Variants in ZIM2 observed in about 807,000 individuals in gnomAD.
ZIM2 encodes zinc finger protein 656.
In ZIM2, 14 loss-of-function variants were observed where a neutral mutation model predicts 38.6. The ratio of observed to expected loss-of-function variants is 0.36; its 90% CI spans 0.24 to 0.57. ZIM2 has a LOEUF of 0.57. Among genes scored for constraint, ZIM2 ranks in the 20% least tolerant of loss-of-function variants. The pLI, the probability that ZIM2 is intolerant of heterozygous loss-of-function variation, is 0.81. For synonymous variants in ZIM2, 247 were observed against 245.8 expected, an observed-to-expected ratio of 1.00 and a Z score of -0.04; for missense variants, 680 against 695.1, an observed-to-expected ratio of 0.98 and a Z score of 0.24.
At position 56,774,774 on chromosome 19, in the gene ZIM2, C is replaced by A; in HGVS notation, c.1591G>T (p.Gly531Trp). 1 of 1,614,124 alleles carries A rather than the reference C, an allele frequency of 6.2e-7. No homozygotes were observed. Among genetic ancestry groups the A allele is most frequent in the South Asian group, 1.1e-5 (1 of 91,062 alleles). The change falls in exon 13 of 13, where the codon GGG (glycine) becomes TGG (tryptophan). Residue 531 changes from glycine to tryptophan, a missense_variant. Physicochemically the swap from Gly to Trp is radical, Grantham distance 184. Transcript: ENST00000629319. The stretch of plus-strand genomic sequence containing the variant: ...TATGAGGGTCGGCCGAAACATTTCC[C>A]ACATAGCTGACACTGGTAAGGCCTC... The part of the protein sequence containing the change: ...QERPYQCQLC[G>W]KCFGRPSYLT...
chr19:56,803,413 C>T (rs1343158551), intron 9 of ZIM2, among the ~76,000 whole-genome samples: 1 of 152,204 alleles, frequency 6.6e-6, no homozygotes, highest in Non-Finnish European at 1.5e-5. Flanking sequence ...GGCAGATGTG[C>T]TATGTTCTCT....
chr19:56,793,677 C>A (rs1273933230), intron 9 of ZIM2, among the ~76,000 whole-genome samples: 1 of 152,124 alleles, frequency 6.6e-6, no homozygotes, highest in Non-Finnish European at 1.5e-5. Context: ...TATGCACCCT[C>A]CAAAATGTCC....
At chr19:56,833,385 T>A in intron 2 of ZIM2, 1 of 349,992 alleles carries the variant, frequency 2.9e-6, no homozygotes, top group Non-Finnish European at 5.6e-6. Context: ...TGTGGTCTCG[T>A]CTCTCTTCTT....
At chr19:56,784,052 T>C (rs536478317) in intron 10 of ZIM2, among the ~76,000 whole-genome samples, 1 of 152,064 alleles carries the variant, frequency 6.6e-6, no homozygotes, top group African/African-American at 2.4e-5. Context: ...CTCAAAATGT[T>C]GTAGCAGTTA....
intron 7 of ZIM2, among the ~76,000 whole-genome samples, chr19:56,819,269 G>C (rs1447599459): frequency 2.0e-5 from 3 of 152,212 alleles, no homozygotes; most frequent in Admixed American, 2.0e-4. Flanking sequence ...CCATGGCATA[G>C]CATGGCTACA....
At chr19:56,807,732 A>G (rs2047825938) in intron 9 of ZIM2, among the ~76,000 whole-genome samples, 1 of 152,048 alleles carries the variant, frequency 6.6e-6, no homozygotes, top group Admixed American at 6.6e-5. Context: ...TTGAGGCTGC[A>G]GTGAGCTGTG....
intron 9 of ZIM2, chr19:56,815,217 G>A (rs146308462): frequency 1.8e-5 from 29 of 1,613,808 alleles, no homozygotes; most frequent in East Asian, 1.3e-4. Flanking sequence ...GGGTCTCCTC[G>A]CTGTGGGTCT....
intron 10 of ZIM2, among the ~76,000 whole-genome samples, chr19:56,785,713 A>C (rs1173754249): frequency 6.6e-6 from 1 of 152,172 alleles, no homozygotes; most frequent in Non-Finnish European, 1.5e-5. Flanking sequence ...TTTTCAAACA[A>C]TTATAAATTA....
chr19:56,833,103 G>A (rs759414629), intron 2 of ZIM2: 9 of 506,500 alleles, frequency 1.8e-5, no homozygotes, highest in Non-Finnish European at 3.5e-5. Flanking sequence ...AACACATCAT[G>A]CACTAGAAAG....
intron 12 of ZIM2, among the ~76,000 whole-genome samples, chr19:56,778,123 C>T (rs564533399): frequency 2.0e-5 from 3 of 152,108 alleles, no homozygotes; most frequent in African/African-American, 4.8e-5. Context: ...CTTTACGCTC[C>T]GTTATTATTT....
chr19:56,823,562 T>C (rs372143841), intron 5 of ZIM2, 28 bp downstream of exon 5: 2 of 1,613,116 alleles, frequency 1.2e-6, no homozygotes, highest in Non-Finnish European at 1.7e-6. Flanking sequence ...CGCCTGCCCA[T>C]GGGTGACCAG....
At chr19:56,812,302 A>G in intron 9 of ZIM2, 1 of 982,380 alleles carries the variant, frequency 1.0e-6, no homozygotes, top group Non-Finnish European at 1.2e-6. Flanking sequence ...GATTAGATGA[A>G]CACAACACTC....
At chr19:56,838,035 C>T (rs1038351153) in intron 1 of ZIM2, among the ~76,000 whole-genome samples, 8 of 152,216 alleles carry the variant, frequency 5.3e-5, no homozygotes, top group African/African-American at 1.9e-4. Context: ...CTGCAGCCAG[C>T]CCAGCTGTCA....
At chr19:56,815,664 G>C in intron 9 of ZIM2, 1 of 1,614,130 alleles carries the variant, frequency 6.2e-7, no homozygotes, top group Non-Finnish European at 8.5e-7. Context: ...GGACATTTGA[G>C]CTGGGAACAG....
chr19:56,816,894 C>A (rs2060030453), intron 9 of ZIM2: 2 of 1,614,078 alleles, frequency 1.2e-6, no homozygotes. Context: ...AGGCGGCACT[C>A]TTATTGAAGG....
intron 9 of ZIM2, chr19:56,809,988 C>T (rs2048000144): frequency 9.2e-6 from 2 of 216,942 alleles, no homozygotes; most frequent in African/African-American, 2.4e-5. Flanking sequence ...ACTTTTTAGG[C>T]TAAAGGAGGA....
chr19:56,797,241 G>A (rs549119714), intron 9 of ZIM2, among the ~76,000 whole-genome samples: 57 of 152,210 alleles, frequency 3.7e-4, no homozygotes, highest in African/African-American at 1.3e-3. Flanking sequence ...GCTTGAACTC[G>A]TGAAGTGCAG....
At chr19:56,787,487 G>C (rs1030363132) in intron 10 of ZIM2, among the ~76,000 whole-genome samples, 2 of 152,126 alleles carry the variant, frequency 1.3e-5, no homozygotes, top group African/African-American at 4.8e-5. Flanking sequence ...TGTTGGTCAG[G>C]CTGGTCTCGA....
At chr19:56,832,554 T>G (rs1051126423) in intron 2 of ZIM2, among the ~76,000 whole-genome samples, 2 of 152,238 alleles carry the variant, frequency 1.3e-5, no homozygotes, top group Non-Finnish European at 2.9e-5. Flanking sequence ...TATCTCCCTC[T>G]GCTCTCTCTT....
Sources: gnomAD v4.1 joint callset for allele counts (sites outside exome capture counted in the v4.1 genomes callset) on GRCh38, gnomAD v4.1.1 for gene constraint, MANE v1.5 for transcripts, NCBI Gene and HGNC (gene_info 2026-07-23, HGNC 2026-07-21) for gene names.